The following CACNB4 variants were observed in gnomAD, a reference collection of about 807,000 sequenced individuals.
CACNB4 encodes voltage-dependent L-type calcium channel subunit beta-4.
CACNB4 carries 32 observed loss-of-function variants against 71.2 expected under a neutral mutation model. The observed-to-expected ratio is 0.45, with a 90% CI of 0.34 to 0.60. The LOEUF is 0.60. Ranked by LOEUF, CACNB4 falls within the 20% of genes least tolerant of loss-of-function variation. The pLI is 0.01. For missense variants in CACNB4, 464 were observed against 647.9 expected (o/e 0.72, Z 3.08); for synonymous variants, 231 against 236.9 (o/e 0.97, Z 0.23).
intron 2 of CACNB4, among the ~76,000 whole-genome samples, chr2:151,999,170 C>T (rs924551888): frequency 2.6e-5 from 4 of 152,144 alleles, no homozygotes; most frequent in African/African-American, 9.7e-5. Flanking sequence ...TACTCATGAC[C>T]TCCACTAGAT....
At chr2:151,983,074 T>A (rs2099874998) in intron 2 of CACNB4, among the ~76,000 whole-genome samples, 1 of 152,178 alleles carries the variant, frequency 6.6e-6, no homozygotes, top group African/African-American at 2.4e-5. Flanking sequence ...AACACAACAG[T>A]GCTATGCACA....
At chr2:151,882,125 C>T (rs540282945) in intron 3 of CACNB4, among the ~76,000 whole-genome samples, 14 of 151,136 alleles carry the variant, frequency 9.3e-5, no homozygotes, top group South Asian at 4.2e-4. Context: ...ATGATCTGCC[C>T]GCCTCGGCCT....
At chr2:151,844,924 G>C (rs2151326593) in intron 12 of CACNB4, among the ~76,000 whole-genome samples, 1 of 152,286 alleles carries the variant, frequency 6.6e-6, no homozygotes, top group East Asian at 1.9e-4. Flanking sequence ...GGTTTGATTA[G>C]TCTCAACAAA....
At chr2:152,087,646 G>A (rs1474222230) in intron 2 of CACNB4, among the ~76,000 whole-genome samples, 5 of 152,026 alleles carry the variant, frequency 3.3e-5, no homozygotes, top group South Asian at 2.1e-4. Flanking sequence ...GAAACTTCTC[G>A]GGCTGGTGTG....
chr2:152,026,577 G>T (rs779694467), intron 2 of CACNB4, among the ~76,000 whole-genome samples: 1 of 152,066 alleles, frequency 6.6e-6, no homozygotes, highest in Non-Finnish European at 1.5e-5. Context: ...CAGAGATGAG[G>T]TTTCTCCATG....
At chr2:152,029,633 T>C (rs1684174336) in intron 2 of CACNB4, among the ~76,000 whole-genome samples, 1 of 152,118 alleles carries the variant, frequency 6.6e-6, no homozygotes, top group Admixed American at 6.6e-5. Context: ...GTCTGAATGT[T>C]TGTGTCCCCT....
At chr2:151,900,249 T>C (rs2099853042) in intron 2 of CACNB4, among the ~76,000 whole-genome samples, 1 of 152,178 alleles carries the variant, frequency 6.6e-6, no homozygotes, top group South Asian at 2.1e-4. Flanking sequence ...AGATCTGTGT[T>C]CATGAAACAA....
At chr2:151,913,229 G>C (rs1186535705) in intron 2 of CACNB4, among the ~76,000 whole-genome samples, 1 of 152,060 alleles carries the variant, frequency 6.6e-6, no homozygotes. Flanking sequence ...TGGTTATTTT[G>C]CACAATAGTT....
intron 2 of CACNB4, among the ~76,000 whole-genome samples, chr2:152,026,586 T>A (rs1683987911): frequency 6.6e-6 from 1 of 152,142 alleles, no homozygotes; most frequent in Admixed American, 6.6e-5. Flanking sequence ...GGTTTCTCCA[T>A]GTTGGCCGGG....
intron 2 of CACNB4, among the ~76,000 whole-genome samples, chr2:151,992,302 A>C (rs919729966): frequency 3.9e-5 from 6 of 152,348 alleles, no homozygotes; most frequent in African/African-American, 1.4e-4. Flanking sequence ...GGTATAAGAC[A>C]ATGCAGCATG....
chr2:151,885,719 C>T (rs962330566), intron 2 of CACNB4, among the ~76,000 whole-genome samples: 1 of 152,026 alleles, frequency 6.6e-6, no homozygotes. Flanking sequence ...CTGAAAGTGC[C>T]CTTTATAGAG....
At chr2:152,065,781 C>G (rs933350986) in intron 2 of CACNB4, among the ~76,000 whole-genome samples, 1 of 152,126 alleles carries the variant, frequency 6.6e-6, no homozygotes, top group Non-Finnish European at 1.5e-5. Context: ...TGGGTTGTCA[C>G]TCTGTTGCTC....
At chr2:151,974,326 T>C (rs369422195) in intron 2 of CACNB4, among the ~76,000 whole-genome samples, 9 of 152,294 alleles carry the variant, frequency 5.9e-5, no homozygotes, top group African/African-American at 1.9e-4. Context: ...AACAGATGCA[T>C]TTAAGTCAAA....
At chr2:151,862,909 C>A (rs1214288369) in intron 9 of CACNB4, among the ~76,000 whole-genome samples, 1 of 152,132 alleles carries the variant, frequency 6.6e-6, no homozygotes, top group Non-Finnish European at 1.5e-5. Flanking sequence ...GTCAAGTCTT[C>A]GCCTTGCTCT....
At chr2:151,850,820 A>C (rs1459991562) in intron 12 of CACNB4, 3 of 152,236 alleles carry the variant, frequency 2.0e-5, no homozygotes, top group Non-Finnish European at 4.4e-5. Flanking sequence ...TTTTGGTATC[A>C]GGATTATTTT....
intron 5 of CACNB4, chr2:151,874,139 A>AATTG (rs60344993): frequency 0.14 from 20,886 of 152,084 alleles, 2,372 homozygotes; most frequent in East Asian, 0.49. Flanking sequence ...CATGACAATT[A>AATTG]AAGCTCTTTT....
At chr2:151,918,826 C>G (rs561410488) in intron 2 of CACNB4, among the ~76,000 whole-genome samples, 1 of 152,342 alleles carries the variant, frequency 6.6e-6, no homozygotes, top group South Asian at 2.1e-4. Context: ...GGCAGCACAT[C>G]CAGAGATGCA....
chr2:152,079,686 C>G (rs1169974266), intron 2 of CACNB4, among the ~76,000 whole-genome samples: 1 of 151,996 alleles, frequency 6.6e-6, no homozygotes, highest in Non-Finnish European at 1.5e-5. Context: ...CCTTGGAAAC[C>G]AAAGTGGAAG....
intron 2 of CACNB4, among the ~76,000 whole-genome samples, chr2:151,997,331 G>A (rs911524903): frequency 6.6e-6 from 1 of 152,016 alleles, no homozygotes; most frequent in African/African-American, 2.4e-5. Context: ...TCAGGAGATC[G>A]AGACCATCCT....
Sources: allele counts gnomAD v4.1 joint callset (sites outside exome capture counted in the v4.1 genomes callset), GRCh38; gene constraint gnomAD v4.1.1; transcripts MANE v1.5; gene names NCBI Gene and HGNC (gene_info 2026-07-23, HGNC 2026-07-21).